KCTD16: variants seen among roughly 807,000 people sequenced by gnomAD.
The protein encoded by KCTD16 is BTB/POZ domain-containing protein KCTD16.
A neutral mutation model predicts 33.2 loss-of-function variants in KCTD16; 13 were observed. The ratio of observed to expected loss-of-function variants is 0.39; its 90% CI spans 0.25 to 0.62. The LOEUF is 0.62. KCTD16 is among the 20% of genes least tolerant of loss of function. KCTD16 has a pLI of 0.50. For missense variants in KCTD16, 441 were observed against 525.1 expected, an observed-to-expected ratio of 0.84 and a Z score of 1.57; for synonymous variants, 197 against 195.3, an observed-to-expected ratio of 1.01 and a Z score of -0.07.
chr5:144,367,681 C>A (rs917069378), intron 3 of KCTD16, among the ~76,000 whole-genome samples: 1 of 151,292 alleles, frequency 6.6e-6, no homozygotes, highest in Non-Finnish European at 1.5e-5. Context: ...ATTTTTAATT[C>A]TTTCATTTAT....
At chr5:144,212,872 A>G (rs1753441407) in intron 3 of KCTD16, among the ~76,000 whole-genome samples, 1 of 152,286 alleles carries the variant, frequency 6.6e-6, no homozygotes, top group South Asian at 2.1e-4. Flanking sequence ...CCCATCTCTA[A>G]TAATTACCCT....
In KCTD16 at chr5:144,397,552, A is replaced by G. The variant is rs188245689; in HGVS notation, c.833-76108A>G. On this transcript the variant is annotated intron_variant, in intron 3 of 3. Coordinates refer to ENST00000512467, the MANE Select transcript of KCTD16 (RefSeq NM_020768.4). ...AGTTTACAATCCCACCAACAGTGTA[A>G]AAGTGTTTCTATTTCTCCACATCCT... Among the ~76,000 whole-genome samples the G allele has an allele frequency of 2.6e-5, 4 of 152,242 alleles. No individual in the cohort carries two copies. In the East Asian group the frequency reaches 5.8e-4, roughly 22 times the overall value.
chr5:144,393,383 GT>G (rs997929095), intron 3 of KCTD16, among the ~76,000 whole-genome samples: 1 of 152,130 alleles, frequency 6.6e-6, no homozygotes, highest in African/African-American at 2.4e-5. Context: ...TTTCTAACTT[GT>G]TTTTTAAAGT....
intron 3 of KCTD16, among the ~76,000 whole-genome samples, chr5:144,322,981 C>G (rs1752113083): frequency 6.6e-6 from 1 of 152,044 alleles, no homozygotes; most frequent in Non-Finnish European, 1.5e-5. Flanking sequence ...TCCTATGGGC[C>G]CATTGATCCA....
chr5:144,264,691 T>G (rs1280926535), intron 3 of KCTD16, among the ~76,000 whole-genome samples: 1 of 152,138 alleles, frequency 6.6e-6, no homozygotes, highest in East Asian at 1.9e-4. Flanking sequence ...GAGGATTGCT[T>G]GAGCCTAGGA....
Position 144,474,204 on chromosome 5 carries a change from A to C in KCTD16, c.*90A>C. On this transcript the variant is annotated 3_prime_UTR_variant, in exon 4 of 4. Coordinates refer to ENST00000512467, the MANE Select transcript of KCTD16 (RefSeq NM_020768.4). ...TCATATTTTAAAGGAAAAAAATACA[A>C]CTAATGATGCACATTTCTTAGAACA... 2.0e-6 allele frequency: 2 copies of C among 977,200 alleles called. No individual in the cohort carries two copies. Among genetic ancestry groups the C allele is most frequent in the Non-Finnish European group, 3.0e-6 (2 of 660,834 alleles). 60.5% of individuals were successfully genotyped at this position (977,200 alleles called of 1,614,324 possible). A position where few individuals can be genotyped will look rare whatever the true frequency, so the allele number is the denominator to read the frequency against.
At chr5:144,347,768 G>A (rs563159792) in intron 3 of KCTD16, among the ~76,000 whole-genome samples, 1 of 152,296 alleles carries the variant, frequency 6.6e-6, no homozygotes, top group East Asian at 1.9e-4. Flanking sequence ...CCCACATCGA[G>A]GCTGAAGGCT....
intron 3 of KCTD16, among the ~76,000 whole-genome samples, chr5:144,452,083 C>A (rs1753955483): frequency 6.6e-6 from 1 of 150,688 alleles, no homozygotes; most frequent in East Asian, 1.9e-4. Context: ...TCTCATTGAT[C>A]AGAATGAGTG....
At chr5:144,220,971 AG>A (rs1346166394) in intron 3 of KCTD16, among the ~76,000 whole-genome samples, 6 of 152,046 alleles carry the variant, frequency 3.9e-5, no homozygotes, top group Middle Eastern at 3.2e-3. Flanking sequence ...AATGAGTGAA[AG>A]ATAAAAAAGA....
intron 2 of KCTD16, among the ~76,000 whole-genome samples, chr5:144,189,547 A>G (rs1201906973): frequency 6.6e-6 from 1 of 152,070 alleles, no homozygotes; most frequent in Non-Finnish European, 1.5e-5. Context: ...AGGTACATAG[A>G]GTTTTGCATA....
chr5:144,405,553 C>A (rs1361742874), intron 3 of KCTD16, among the ~76,000 whole-genome samples: 2 of 152,050 alleles, frequency 1.3e-5, no homozygotes, highest in Non-Finnish European at 2.9e-5. Context: ...TTCTTTAGAC[C>A]CCTGTCTTAG....
At chr5:144,226,637 G>A (rs1204871760) in intron 3 of KCTD16, among the ~76,000 whole-genome samples, 6 of 151,176 alleles carry the variant, frequency 4.0e-5, no homozygotes, top group Admixed American at 2.0e-4. Context: ...CAGTGGCATC[G>A]TCTTGGCTCA....
chr5:144,345,319 C>T (rs1220785122), intron 3 of KCTD16, among the ~76,000 whole-genome samples: 1 of 151,746 alleles, frequency 6.6e-6, no homozygotes, highest in African/African-American at 2.4e-5. Context: ...CTAAGCTGCA[C>T]ATTGTGCACA....
chr5:144,208,940 G>T (rs1254129608), intron 3 of KCTD16, among the ~76,000 whole-genome samples: 1 of 152,180 alleles, frequency 6.6e-6, no homozygotes, highest in Admixed American at 6.5e-5. Flanking sequence ...TAGTGGACAG[G>T]TATTGTCTTC....
rs943369644 is a variant in KCTD16, at chr5:144,479,264, A to G, written c.*5150A>G. 6.6e-6 allele frequency: 1 copy of G among 151,328 alleles called. No individual in the cohort carries two copies. The highest frequency in any genetic ancestry group is 2.4e-5 in the African/African-American group (1 of 41,302). 9.4% of individuals were successfully genotyped at this position (151,328 alleles called of 1,614,324 possible). A position where few individuals can be genotyped will look rare whatever the true frequency, so the allele number is the denominator to read the frequency against. ...GCCATTGAACTGCTAAATTTGTCCA[A>G]TTTGACTCAATCAGGACTATGAAGC... On this transcript the variant is annotated 3_prime_UTR_variant, in exon 4 of 4. Coordinates refer to ENST00000512467, the MANE Select transcript of KCTD16 (RefSeq NM_020768.4).
intron 3 of KCTD16, among the ~76,000 whole-genome samples, chr5:144,406,986 C>T (rs557893278): frequency 6.6e-6 from 1 of 152,218 alleles, no homozygotes; most frequent in East Asian, 1.9e-4. Context: ...TTTAGCTGAT[C>T]TTTAAAGGTG....
intron 3 of KCTD16, among the ~76,000 whole-genome samples, chr5:144,447,574 A>T (rs114533519): frequency 0.018 from 2,712 of 152,184 alleles, 58 homozygotes; most frequent in African/African-American, 0.062. Context: ...AAGAAAAAAG[A>T]AAAAACAAAA....
At chr5:144,211,570 G>T (rs1356979248) in intron 3 of KCTD16, among the ~76,000 whole-genome samples, 1 of 152,064 alleles carries the variant, frequency 6.6e-6, no homozygotes, top group Non-Finnish European at 1.5e-5. Flanking sequence ...AAACATAAAT[G>T]AATTGCATGT....
intron 3 of KCTD16, among the ~76,000 whole-genome samples, chr5:144,332,559 G>T (rs1752386167): frequency 6.6e-6 from 1 of 152,144 alleles, no homozygotes; most frequent in African/African-American, 2.4e-5. Context: ...GGAAATAGAA[G>T]GATTAATTTA....
Sources: gnomAD v4.1 joint callset for allele counts (sites outside exome capture counted in the v4.1 genomes callset) on GRCh38, gnomAD v4.1.1 for gene constraint, MANE v1.5 for transcripts, NCBI Gene and HGNC (gene_info 2026-07-23, HGNC 2026-07-21) for gene names.